Variants in FHOD3 observed in about 807,000 individuals in gnomAD.
FHOD3 encodes the protein formin homology 2 domain containing 3.
A neutral mutation model predicts 173.0 loss-of-function variants in FHOD3; 90 were observed. That is an observed-to-expected ratio of 0.52 (90% confidence interval 0.44 to 0.62). The LOEUF is 0.62. Ranked by LOEUF, FHOD3 falls within the 20% of genes least tolerant of loss-of-function variation. The pLI, the probability that FHOD3 is intolerant of heterozygous loss-of-function variation, is 0.00. For missense variants in FHOD3, 1,945 were observed against 2,034.7 expected (o/e 0.96, Z 0.85); for synonymous variants, 828 against 823.0 (o/e 1.01, Z -0.10).
At chr18:36,545,286 G>A (rs963828721) in intron 5 of FHOD3, among the ~76,000 whole-genome samples, 3 of 152,174 alleles carry the variant, frequency 2.0e-5, no homozygotes, top group Non-Finnish European at 4.4e-5. Context: ...GAACAATAAA[G>A]GATATATGTA....
chr18:36,345,628 A>T (rs772892627), intron 1 of FHOD3, among the ~76,000 whole-genome samples: 2 of 152,164 alleles, frequency 1.3e-5, no homozygotes, highest in Non-Finnish European at 2.9e-5. Context: ...TTTAGTAGAG[A>T]TGAGGTCTTG....
chr18:36,681,482 G>A lies in FHOD3; in HGVS notation c.1882G>A (p.Glu628Lys). ...LLTSSFRQHQ[E>K]SLAAERERRR... ...CACATCATCCTTCAGGCAGCACCAA[G>A]AGTCACTGGCAGCAGAGAGAGAGAG... The change falls in exon 15 of 29, where the codon GAG becomes AAG. Residue 628 changes from glutamate to lysine, a missense_variant. Coordinates refer to ENST00000590592, the MANE Select transcript of FHOD3 (RefSeq NM_001281740.3). 1 of 1,613,934 alleles carries A rather than the reference G, an allele frequency of 6.2e-7. No individual in the cohort carries two copies. The highest frequency in any genetic ancestry group is 1.1e-5 in the South Asian group (1 of 91,062).
intron 6 of FHOD3, among the ~76,000 whole-genome samples, chr18:36,584,601 A>C (rs1271210294): frequency 2.0e-5 from 3 of 152,186 alleles, no homozygotes. Flanking sequence ...CATTAATAGA[A>C]ATTCAATTAA....
At chr18:36,651,468 T>C (rs1443509939) in intron 11 of FHOD3, among the ~76,000 whole-genome samples, 1 of 152,012 alleles carries the variant, frequency 6.6e-6, no homozygotes, top group Non-Finnish European at 1.5e-5. Flanking sequence ...AAATTATATA[T>C]AATGCCAGGC....
intron 3 of FHOD3, among the ~76,000 whole-genome samples, chr18:36,406,089 GTT>G (rs763484942): frequency 7.4e-6 from 1 of 135,732 alleles, no homozygotes; most frequent in African/African-American, 3.0e-5. Context: ...TTTTGTTTTT[GTT>G]TTTGTTTTTT....
intron 1 of FHOD3, among the ~76,000 whole-genome samples, chr18:36,309,138 T>C (rs375758723): frequency 3.0e-4 from 45 of 152,160 alleles, no homozygotes; most frequent in African/African-American, 1.1e-3. Context: ...TCTTCTCTTA[T>C]GGAGGGAGAC....
chr18:36,413,253 G>T (rs1280780463), intron 3 of FHOD3, among the ~76,000 whole-genome samples: 1 of 152,176 alleles, frequency 6.6e-6, no homozygotes, highest in Non-Finnish European at 1.5e-5. Flanking sequence ...AACTCCTCAG[G>T]GGAACAAGCT....
chr18:36,642,317 AT>A (rs746023915), intron 10 of FHOD3, among the ~76,000 whole-genome samples: 6 of 152,162 alleles, frequency 3.9e-5, no homozygotes, highest in Admixed American at 1.3e-4. Context: ...TTCGTTACAT[AT>A]TTTAAAAATC....
intron 10 of FHOD3, among the ~76,000 whole-genome samples, chr18:36,643,041 G>A (rs1173695719): frequency 1.3e-5 from 2 of 151,904 alleles, no homozygotes; most frequent in East Asian, 1.9e-4. Flanking sequence ...GTCACTCAGC[G>A]TTATGTTTCT....
intron 3 of FHOD3, among the ~76,000 whole-genome samples, chr18:36,459,435 C>T (rs766098985): frequency 2.3e-4 from 35 of 152,180 alleles, no homozygotes; most frequent in Non-Finnish European, 3.5e-4. Context: ...AACCGCCTCG[C>T]TGGCTGGGCT....
intron 3 of FHOD3, among the ~76,000 whole-genome samples, chr18:36,474,252 ACTC>A (rs897409545): frequency 6.6e-6 from 1 of 151,816 alleles, no homozygotes; most frequent in African/African-American, 2.4e-5. Context: ...TATTTTACTG[ACTC>A]CTCCACCACG....
At chr18:36,514,720 A>G (rs2055866133) in intron 5 of FHOD3, among the ~76,000 whole-genome samples, 1 of 152,198 alleles carries the variant, frequency 6.6e-6, no homozygotes, top group Non-Finnish European at 1.5e-5. Context: ...ACCCTTACCT[A>G]GGAGCACATT....
In FHOD3 at chr18:36,649,343, A is replaced by G. The variant is rs1434642166; in HGVS notation, c.1224A>G (p.Pro408=). ...AGGAGGAGGAGGAAGAGGAGCAGCC[A>G]ATCACGGAGCCCAGTTCCGAAGAAG... ...EKEEEEEEEQ[P]ITEPSSEEER... is the part of the protein sequence containing the mutation. The change falls in exon 11 of 29, where the codon CCA becomes CCG. Residue 408 remains proline, a synonymous_variant. Coordinates refer to ENST00000590592, the MANE Select transcript of FHOD3 (RefSeq NM_001281740.3). The G allele has an allele frequency of 6.5e-7, 1 of 1,535,936 alleles. No individual in the cohort carries two copies. Among genetic ancestry groups the G allele is most frequent in the Non-Finnish European group, 8.7e-7 (1 of 1,146,746 alleles).
At chr18:36,325,745 T>C (rs528031187) in intron 1 of FHOD3, among the ~76,000 whole-genome samples, 1 of 152,272 alleles carries the variant, frequency 6.6e-6, no homozygotes, top group South Asian at 2.1e-4. Flanking sequence ...AGAGTAAGAA[T>C]TTTTGCTAGG....
intron 9 of FHOD3, among the ~76,000 whole-genome samples, chr18:36,622,613 G>T (rs939858941): frequency 1.3e-5 from 2 of 152,212 alleles, no homozygotes; most frequent in Non-Finnish European, 2.9e-5. Flanking sequence ...CATTACTTGG[G>T]ACAGTGTTAG....
At chr18:36,739,186 AC>A (rs1270253109) in intron 20 of FHOD3, among the ~76,000 whole-genome samples, 2 of 152,136 alleles carry the variant, frequency 1.3e-5, no homozygotes, top group East Asian at 3.9e-4. Context: ...AAGACCAAAA[AC>A]TTACTGCCCC....
chr18:36,443,672 A>T (rs913606264), intron 3 of FHOD3, among the ~76,000 whole-genome samples: 1 of 152,200 alleles, frequency 6.6e-6, no homozygotes, highest in Non-Finnish European at 1.5e-5. Flanking sequence ...GGATGTGCTC[A>T]TTGATACTGG....
chr18:36,649,236 A>G, intron 10 of FHOD3, 80 bp from the exon 11 acceptor site: 2 of 922,840 alleles, frequency 2.2e-6, no homozygotes, highest in Non-Finnish European at 3.2e-6. Flanking sequence ...TTTTTGCTTC[A>G]TCTTCCTGTT....
chr18:36,311,428 A>T (rs542856221), intron 1 of FHOD3, among the ~76,000 whole-genome samples: 1 of 152,128 alleles, frequency 6.6e-6, no homozygotes. Context: ...GGCTGGCAAA[A>T]TGGTGCTGGG....
Sources: gnomAD v4.1 joint callset for allele counts (sites outside exome capture counted in the v4.1 genomes callset) on GRCh38, gnomAD v4.1.1 for gene constraint, MANE v1.5 for transcripts, NCBI Gene and HGNC (gene_info 2026-07-23, HGNC 2026-07-21) for gene names.